The following PTPRN2 variants were observed in gnomAD, a reference collection of about 807,000 sequenced individuals.
The protein encoded by PTPRN2 is protein tyrosine phosphatase receptor type N2, also known as receptor-type tyrosine-protein phosphatase N2.
Under a neutral mutation model 118.8 loss-of-function variants are expected in PTPRN2, and 74 were observed. That is an observed-to-expected ratio of 0.62 (90% CI 0.52 to 0.76). PTPRN2 has a LOEUF of 0.76. PTPRN2 is among the 30% of genes least tolerant of loss of function. The probability of loss-of-function intolerance (pLI) is 0.00; values close to 1 mark genes in which losing one functional copy is unlikely to be tolerated. For missense variants in PTPRN2, 1,481 were observed against 1,394.4 expected (o/e 1.06, Z -0.99); for synonymous variants, 641 against 608.0 (o/e 1.05, Z -0.80).
intron 12 of PTPRN2, among the ~76,000 whole-genome samples, chr7:157,834,190 A>G (rs1189328086): frequency 6.0e-5 from 7 of 116,562 alleles, no homozygotes; most frequent in Non-Finnish European, 8.4e-5. Flanking sequence ...CCTGTGATCA[A>G]TCCATCAATT....
chr7:158,356,595 C>T (rs893267280), intron 2 of PTPRN2, among the ~76,000 whole-genome samples: 13 of 152,082 alleles, frequency 8.5e-5, no homozygotes, highest in African/African-American at 2.9e-4. Context: ...GATAAGAACC[C>T]CATGCACACC....
At chr7:157,688,439 T>G (rs1474886964) in intron 12 of PTPRN2, among the ~76,000 whole-genome samples, 1 of 152,180 alleles carries the variant, frequency 6.6e-6, no homozygotes, top group Non-Finnish European at 1.5e-5. Flanking sequence ...AGGGGAAGGA[T>G]GCCCCTGAGA....
chr7:158,546,262 C>T lies in PTPRN2; in HGVS notation c.112+41296G>A, dbSNP rs925151947. ...ACACTCCTGGTGACAGGGACAGAGACGGCTCCTTCCACTGGATGTACAGAG... is the reference window on the plus strand; with the variant it reads ...ACACTCCTGGTGACAGGGACAGAGATGGCTCCTTCCACTGGATGTACAGAG... On this transcript the variant is annotated intron_variant, in intron 1 of 22. Coordinates refer to ENST00000389418, the MANE Select transcript of PTPRN2 (RefSeq NM_002847.5). The surrounding 1 kb of genome is among the most constrained non-coding windows in gnomAD (Gnocchi z 5.0). 6.6e-6 allele frequency among the ~76,000 whole-genome samples: 1 copy of T among 152,194 alleles called. No individual in the cohort carries two copies. Among genetic ancestry groups the T allele is most frequent in the African/African-American group, 2.4e-5 (1 of 41,452 alleles).
chr7:157,541,649 C>T (rs58833129), intron 22 of PTPRN2, among the ~76,000 whole-genome samples: 2,577 of 152,322 alleles, frequency 0.017, 71 homozygotes, highest in African/African-American at 0.059. Flanking sequence ...CAGCTGAGAA[C>T]GCGTGGACGG....
At position 158,561,328 on chromosome 7, in the gene PTPRN2, C is replaced by T. The variant is rs756396202; in HGVS notation, c.112+26230G>A. Among the ~76,000 whole-genome samples the T allele has an allele frequency of 2.7e-4, 41 of 152,036 alleles. 1 individual carries two copies. Among genetic ancestry groups the T allele is most frequent in the Admixed American group, 2.2e-3 (33 of 15,266 alleles). Reference sequence around the variant, plus strand: ...TCTCCCCAGGTCTAAGAGATAAACCCCTGCCTGAGAAAATCCCCCTGACAG... The same window carrying T: ...TCTCCCCAGGTCTAAGAGATAAACCTCTGCCTGAGAAAATCCCCCTGACAG... On this transcript the variant is annotated intron_variant, in intron 1 of 22. Transcript: ENST00000389418.
At chr7:158,447,341 T>C (rs1297683691) in intron 2 of PTPRN2, among the ~76,000 whole-genome samples, 1 of 152,196 alleles carries the variant, frequency 6.6e-6, no homozygotes, top group Admixed American at 6.5e-5. Context: ...AAATACCTAA[T>C]TGGCTGTATA....
chr7:157,751,702 T>A (rs562729509), intron 12 of PTPRN2, among the ~76,000 whole-genome samples: 2 of 152,066 alleles, frequency 1.3e-5, no homozygotes, highest in Middle Eastern at 3.4e-3. Context: ...CGACATCACT[T>A]GGAGAACTTA....
At chr7:158,297,914 G>C (rs1800611863) in intron 3 of PTPRN2, among the ~76,000 whole-genome samples, 2 of 152,202 alleles carry the variant, frequency 1.3e-5, no homozygotes, top group South Asian at 4.1e-4. Flanking sequence ...AGGAATGCAT[G>C]TTTTAATGAA....
chr7:157,576,798 G>A lies in PTPRN2; in HGVS notation c.2617-19C>T, dbSNP rs76994493. ...GGTTCACCTGGCAGGGAGGAGCGGA[G>A]GGAGGGGACAGAGACAGGTGTGGAC... On this transcript the variant is annotated intron_variant, in intron 18 of 22. Coordinates refer to ENST00000389418, the MANE Select transcript of PTPRN2 (RefSeq NM_002847.5). 2,962 of 1,582,024 alleles carry A rather than the reference G, an allele frequency of 1.9e-3. 48 individuals are homozygous for A. In the African/African-American group the frequency reaches 0.036, roughly 19 times the overall value.
chr7:158,552,489 G>A (rs1455529575), intron 1 of PTPRN2, among the ~76,000 whole-genome samples: 1 of 152,222 alleles, frequency 6.6e-6, no homozygotes, highest in African/African-American at 2.4e-5. Context: ...GCGGGCTGGA[G>A]TGTAGGCTGG....
At chr7:158,445,001 C>T (rs749422955) in intron 2 of PTPRN2, among the ~76,000 whole-genome samples, 7 of 152,236 alleles carry the variant, frequency 4.6e-5, no homozygotes, top group Non-Finnish European at 7.3e-5. Flanking sequence ...CCCACCACAG[C>T]GTGTGGACCG....
At chr7:158,217,937 G>A (rs758583202) in intron 3 of PTPRN2, among the ~76,000 whole-genome samples, 1 of 152,042 alleles carries the variant, frequency 6.6e-6, no homozygotes, top group African/African-American at 2.4e-5. Flanking sequence ...GAAAAGTATG[G>A]GATTATGTAA....
intron 11 of PTPRN2, among the ~76,000 whole-genome samples, chr7:157,961,797 T>A (rs947222079): frequency 3.3e-5 from 5 of 152,222 alleles, no homozygotes; most frequent in African/African-American, 4.8e-5. Context: ...TAAACACATG[T>A]GTCTACTTAT....
Position 157,990,612 on chromosome 7 carries a change from G to C in PTPRN2, c.1723+90686C>G, listed in dbSNP as rs1447125011. ...TGGATGGGGGAGCAGGGCAGGCTGGGGGTCAGGGCTCAGGGCGGTGCTGAC... is the reference window on the plus strand; with the variant it reads ...TGGATGGGGGAGCAGGGCAGGCTGGCGGTCAGGGCTCAGGGCGGTGCTGAC... On this transcript the variant is annotated intron_variant, in intron 11 of 22. Coordinates refer to ENST00000389418, the MANE Select transcript of PTPRN2 (RefSeq NM_002847.5). This position sits in a 1 kb window ranked among gnomAD's most constrained non-coding sequence, Gnocchi z 4.3. 6.6e-6 allele frequency among the ~76,000 whole-genome samples: 1 copy of C among 152,158 alleles called. No individual in the cohort carries two copies. The highest frequency in any genetic ancestry group is 2.4e-5 in the African/African-American group (1 of 41,438).
At chr7:157,818,293 A>C (rs1470022212) in intron 12 of PTPRN2, among the ~76,000 whole-genome samples, 1 of 152,052 alleles carries the variant, frequency 6.6e-6, no homozygotes, top group Non-Finnish European at 1.5e-5. Context: ...TGTGTTGGTC[A>C]TAGGGAGGGA....
intron 12 of PTPRN2, among the ~76,000 whole-genome samples, chr7:157,691,182 A>G (rs2150834392): frequency 6.6e-6 from 1 of 151,152 alleles, no homozygotes; most frequent in East Asian, 2.0e-4. Flanking sequence ...TCATTGGTAC[A>G]ACGCCGAAGC....
At chr7:158,325,506 A>G (rs921617) in intron 2 of PTPRN2, among the ~76,000 whole-genome samples, 60,164 of 152,164 alleles carry the variant, frequency 0.4, 12,124 homozygotes, top group Middle Eastern at 0.46. Flanking sequence ...CACAATGCGC[A>G]TACCTATTCA....
intron 1 of PTPRN2, among the ~76,000 whole-genome samples, chr7:158,494,495 G>A (rs1821686762): frequency 6.6e-6 from 1 of 152,246 alleles, no homozygotes; most frequent in South Asian, 2.1e-4. Context: ...AAAGAGGGAG[G>A]AGGGGAGGTT....
Position 158,337,014 on chromosome 7 carries a change from AT to A in PTPRN2, c.164-20083del, listed in dbSNP as rs1805712130. 7.0e-5 allele frequency among the ~76,000 whole-genome samples: 7 copies of A among 100,424 alleles called. 3 individuals carry two copies. The highest frequency in any genetic ancestry group is 1.1e-4 in the Non-Finnish European group (5 of 44,590). The allele number at this position is 100,424 out of a possible 152,430, so 65.9% of individuals were successfully genotyped here. A position where few individuals can be genotyped will look rare whatever the true frequency, so the allele number is the denominator to read the frequency against. On this transcript the variant is annotated intron_variant, in intron 2 of 22. Coordinates refer to ENST00000389418, the MANE Select transcript of PTPRN2 (RefSeq NM_002847.5). ...CGTCACTCACACCCACACTCTCACC[AT>A]AAGAGCTGTCACCCACAGACATCAC...
Sources: allele counts gnomAD v4.1 joint callset (sites outside exome capture counted in the v4.1 genomes callset), GRCh38; gene constraint gnomAD v4.1.1; non-coding constraint Gnocchi (gnomAD v3.1); transcripts MANE v1.5; gene names NCBI Gene and HGNC (gene_info 2026-07-23, HGNC 2026-07-21).